The following PRICKLE2 variants were observed in gnomAD, a reference collection of about 807,000 sequenced individuals.
PRICKLE2 encodes prickle-like protein 2.
Under a neutral mutation model 81.4 loss-of-function variants are expected in PRICKLE2, and 21 were observed. The ratio of observed to expected loss-of-function variants is 0.26; its 90% CI spans 0.18 to 0.37. The LOEUF (loss-of-function observed/expected upper bound fraction) is 0.37, where lower values mean the gene tolerates loss of function less well. PRICKLE2 is among the 10% of genes least tolerant of loss of function. PRICKLE2 has a pLI of 1.00. For synonymous variants in PRICKLE2, 456 were observed against 421.5 expected, an observed-to-expected ratio of 1.08 and a Z score of -1.00; for missense variants, 940 against 1,109.0, an observed-to-expected ratio of 0.85 and a Z score of 2.16.
intron 7 of PRICKLE2, among the ~76,000 whole-genome samples, chr3:64,105,254 C>T (rs1486299877): frequency 6.6e-6 from 1 of 152,156 alleles, no homozygotes; most frequent in Non-Finnish European, 1.5e-5. Flanking sequence ...TCTGGCCAAC[C>T]ACTCACTATT....
Position 64,177,008 on chromosome 3 carries a change from C to T in PRICKLE2, c.145-13879G>A, listed in dbSNP as rs182629186. ...GGAAAGAAGGTTTGGTTTGGATGAG[C>T]TAGAGTATGACACAATATCTCAAAC... On this transcript the variant is annotated intron_variant, in intron 2 of 7. Coordinates refer to ENST00000638394, the MANE Select transcript of PRICKLE2 (RefSeq NM_198859.4). Among the ~76,000 whole-genome samples, 4 of 151,670 alleles carry T rather than the reference C, an allele frequency of 2.6e-5. No individual in the cohort carries two copies. The East Asian group carries it at 7.8e-4, about 30-fold the overall frequency.
rs796432663 is a variant in PRICKLE2, at chr3:64,103,014, A to T, written c.1661-3089T>A. The T allele has an allele frequency of 1.7e-4, 26 of 152,336 alleles. 1 individual carries two copies. Among genetic ancestry groups the T allele is most frequent in the African/African-American group, 6.3e-4 (26 of 41,578 alleles). 9.4% of individuals were successfully genotyped at this position (152,336 alleles called of 1,614,324 possible). A position where few individuals can be genotyped will look rare whatever the true frequency, so the allele number is the denominator to read the frequency against. ...AACATGAAAGAACAAATGTGGCAAA[A>T]GGTTAACAATGGATCAATCTACGTA... On this transcript the variant is annotated intron_variant, in intron 7 of 7. Coordinates refer to ENST00000638394, the MANE Select transcript of PRICKLE2 (RefSeq NM_198859.4).
chr3:64,153,993 T>C (rs372577698), intron 5 of PRICKLE2: 6 of 154,184 alleles, frequency 3.9e-5, no homozygotes, highest in East Asian at 1.9e-4. Context: ...TTTTAAAATT[T>C]CAAAGCACAG....
intron 1 of PRICKLE2, among the ~76,000 whole-genome samples, chr3:64,221,447 A>G (rs1420774246): frequency 6.6e-6 from 1 of 151,790 alleles, no homozygotes; most frequent in African/African-American, 2.4e-5. Context: ...ACACACACAC[A>G]CACACACACA....
intron 2 of PRICKLE2, among the ~76,000 whole-genome samples, chr3:64,239,952 C>CAAA (rs57932723): frequency 0.046 from 1,473 of 32,240 alleles, 105 homozygotes; most frequent in African/African-American, 0.062. Context: ...CCATCGCTAC[C>CAAA]AAAAAAAAAA....
intron 2 of PRICKLE2, among the ~76,000 whole-genome samples, chr3:64,192,215 C>A (rs937788413): frequency 1.3e-5 from 2 of 152,174 alleles, no homozygotes; most frequent in African/African-American, 2.4e-5. Flanking sequence ...CTACAGAGGA[C>A]CCCTGCCGTT....
chr3:64,132,960 A>C (rs2077218600), intron 7 of PRICKLE2, among the ~76,000 whole-genome samples: 1 of 152,204 alleles, frequency 6.6e-6, no homozygotes, highest in East Asian at 1.9e-4. Flanking sequence ...TCTCTGGAAG[A>C]CAACAGGGGT....
chr3:64,173,162 T>C (rs1029639537), intron 2 of PRICKLE2, among the ~76,000 whole-genome samples: 4 of 152,160 alleles, frequency 2.6e-5, no homozygotes, highest in African/African-American at 9.7e-5. Flanking sequence ...GTTAAAATAA[T>C]GCAAAAGCCA....
intron 7 of PRICKLE2, among the ~76,000 whole-genome samples, chr3:64,114,860 T>C (rs2076910477): frequency 3.3e-5 from 5 of 151,988 alleles, no homozygotes; most frequent in Admixed American, 3.3e-4. Context: ...ATTCTTAAGA[T>C]ACTTCAAAAG....
intron 7 of PRICKLE2, among the ~76,000 whole-genome samples, chr3:64,137,350 T>C (rs1238910981): frequency 6.6e-6 from 1 of 152,068 alleles, no homozygotes; most frequent in Non-Finnish European, 1.5e-5. Flanking sequence ...GGGGAACCCA[T>C]CACGACACAC....
chr3:64,161,642 G>GT (rs2077735512), intron 3 of PRICKLE2, among the ~76,000 whole-genome samples: 1 of 147,258 alleles, frequency 6.8e-6, no homozygotes, highest in African/African-American at 2.5e-5. Flanking sequence ...TAAAAGCACA[G>GT]TTAACCATAA....
At chr3:64,220,069 A>T (rs1027551495) in intron 1 of PRICKLE2, among the ~76,000 whole-genome samples, 19 of 152,212 alleles carry the variant, frequency 1.2e-4, no homozygotes, top group Non-Finnish European at 2.4e-4. Flanking sequence ...TAGACACCCA[A>T]AACATACATT....
upstream of PRICKLE2, among the ~76,000 whole-genome samples, chr3:64,227,839 A>C (rs2107157508): frequency 6.6e-6 from 1 of 152,330 alleles, no homozygotes; most frequent in South Asian, 2.1e-4. Context: ...TCCACCATTA[A>C]CTTCAGCGCA....
At chr3:64,139,538 G>C (rs1027440983) in intron 7 of PRICKLE2, among the ~76,000 whole-genome samples, 2 of 152,154 alleles carry the variant, frequency 1.3e-5, no homozygotes, top group African/African-American at 4.8e-5. Flanking sequence ...AGGACTCCCT[G>C]CATCAGCACT....
chr3:64,108,117 T>C (rs2076784731), intron 7 of PRICKLE2, among the ~76,000 whole-genome samples: 1 of 152,226 alleles, frequency 6.6e-6, no homozygotes. Context: ...TTGTTGGTGA[T>C]TGCTTTCCAG....
At chr3:64,247,116 C>T (rs115487404) in intron 2 of PRICKLE2, among the ~76,000 whole-genome samples, 103 of 152,250 alleles carry the variant, frequency 6.8e-4, no homozygotes, top group African/African-American at 2.5e-3. Context: ...AGCAACTGGC[C>T]GAGCTGCCCC....
At chr3:64,112,336 C>T (rs960971627) in intron 7 of PRICKLE2, among the ~76,000 whole-genome samples, 16 of 152,176 alleles carry the variant, frequency 1.1e-4, no homozygotes, top group African/African-American at 3.9e-4. Flanking sequence ...ATACAATGTA[C>T]TCCTTTAGGC....
intron 2 of PRICKLE2, chr3:64,175,041 TA>T (rs1262284201): frequency 1.3e-5 from 2 of 157,710 alleles, no homozygotes; most frequent in Non-Finnish European, 2.8e-5. Context: ...TTCCAGTTTG[TA>T]AAAAAAACCC....
At chr3:64,157,568 G>C (rs529246658) in intron 4 of PRICKLE2, among the ~76,000 whole-genome samples, 50 of 152,312 alleles carry the variant, frequency 3.3e-4, no homozygotes, top group African/African-American at 1.2e-3. Context: ...TACAAATAAT[G>C]TAGAGAGAAA....
Sources: gnomAD v4.1 joint callset for allele counts (sites outside exome capture counted in the v4.1 genomes callset) on GRCh38, gnomAD v4.1.1 for gene constraint, MANE v1.5 for transcripts, NCBI Gene and HGNC (gene_info 2026-07-23, HGNC 2026-07-21) for gene names.